Variants in SNX29 observed in about 807,000 individuals in gnomAD.
SNX29 encodes the protein sorting nexin-29.
Under a neutral mutation model 102.1 loss-of-function variants are expected in SNX29, and 78 were observed. The observed-to-expected ratio is 0.76, with a 90% CI of 0.64 to 0.92. The LOEUF (loss-of-function observed/expected upper bound fraction) is 0.92. Among genes scored for constraint, SNX29 ranks in the 40% least tolerant of loss-of-function variants. The probability of loss-of-function intolerance (pLI) is 0.00; values close to 1 mark genes in which losing one functional copy is unlikely to be tolerated. For synonymous variants in SNX29, 580 were observed against 414.5 expected (o/e 1.40, Z -4.85); for missense variants, 1,280 against 1,061.7 (o/e 1.21, Z -2.86).
intron 1 of SNX29, among the ~76,000 whole-genome samples, chr16:11,981,172 G>A (rs371093016): frequency 1.3e-5 from 2 of 152,196 alleles, no homozygotes; most frequent in South Asian, 4.2e-4. Flanking sequence ...GTTTTGCCAT[G>A]TTGACTGGGC....
intron 10 of SNX29, among the ~76,000 whole-genome samples, chr16:12,077,310 A>G (rs2051624978): frequency 6.6e-6 from 1 of 151,650 alleles, no homozygotes; most frequent in Non-Finnish European, 1.5e-5. Flanking sequence ...TGCAACAGTA[A>G]ATGAAAAAAG....
chr16:12,482,690 TTCAAGGAAA>T (rs2151836368), intron 19 of SNX29, among the ~76,000 whole-genome samples: 1 of 152,346 alleles, frequency 6.6e-6, no homozygotes, highest in East Asian at 1.9e-4. Context: ...CTAGACATTA[TTCAAGGAAA>T]TAGCAAGCGT....
intron 8 of SNX29, among the ~76,000 whole-genome samples, chr16:12,060,152 A>AC (rs984796935): frequency 1.6e-4 from 24 of 152,142 alleles, no homozygotes; most frequent in Non-Finnish European, 3.1e-4. Flanking sequence ...ACCAAAAAAA[A>AC]ACCAATAAAA....
Position 12,518,436 on chromosome 16 carries a change from G to C in SNX29, c.2179-6266G>C, listed in dbSNP as rs551760164. ...TTGCATTTGCTGTTCTTTCCACTTG[G>C]CATGCCCTTCCCCCACCCTCAGGGC... is the stretch of plus-strand genomic sequence containing the variant. On this transcript the variant is annotated intron_variant, in intron 19 of 20. Transcript: ENST00000566228. Among the ~76,000 whole-genome samples, 5 of 152,194 alleles carry C rather than the reference G, an allele frequency of 3.3e-5. No individual in the cohort carries two copies. In the South Asian group the frequency reaches 8.3e-4, roughly 25 times the overall value.
In SNX29 at chr16:12,570,326, T is replaced by G. The variant is rs944082313; in HGVS notation, c.*1697T>G. Reference sequence around the variant, plus strand: ...ACCCGAGACATCCTGTAAAGGCAACTTGGTCTCCCTCCCACTCACCTGCCA... The same window carrying G: ...ACCCGAGACATCCTGTAAAGGCAACGTGGTCTCCCTCCCACTCACCTGCCA... On this transcript the variant is annotated 3_prime_UTR_variant, in exon 21 of 21. Transcript: ENST00000566228. 5.6e-6 allele frequency: 5 copies of G among 897,534 alleles called. No individual in the cohort carries two copies. The highest frequency in any genetic ancestry group is 5.2e-5 in the African/African-American group (3 of 57,538). 55.6% of individuals were successfully genotyped at this position (897,534 alleles called of 1,614,324 possible). A position where few individuals can be genotyped will look rare whatever the true frequency, so the allele number is the denominator to read the frequency against.
At chr16:12,467,104 T>C (rs1410627504) in intron 18 of SNX29, among the ~76,000 whole-genome samples, 1 of 152,200 alleles carries the variant, frequency 6.6e-6, no homozygotes, top group Non-Finnish European at 1.5e-5. Context: ...TGGGCTTCAG[T>C]CCTTGTTTCA....
At chr16:12,476,404 A>ACG (rs2087627512) in intron 18 of SNX29, among the ~76,000 whole-genome samples, 1 of 23,728 alleles carries the variant, frequency 4.2e-5, no homozygotes, top group African/African-American at 4.1e-4. Flanking sequence ...ATATATATAT[A>ACG]TATATATACA....
intron 20 of SNX29, among the ~76,000 whole-genome samples, chr16:12,555,506 G>A (rs2078278065): frequency 6.6e-6 from 1 of 151,516 alleles, no homozygotes; most frequent in African/African-American, 2.4e-5. Context: ...GTCACGCAGG[G>A]ATTGACTGGA....
intron 20 of SNX29, among the ~76,000 whole-genome samples, chr16:12,550,286 C>T (rs1376230893): frequency 6.6e-6 from 1 of 152,176 alleles, no homozygotes; most frequent in Non-Finnish European, 1.5e-5. Flanking sequence ...CCTGTAATCC[C>T]AGTACTGTGG....
At chr16:12,232,336 G>C (rs2077793806) in intron 14 of SNX29, among the ~76,000 whole-genome samples, 1 of 152,220 alleles carries the variant, frequency 6.6e-6, no homozygotes. Context: ...TGACCAGCCT[G>C]ACCAACGTGG....
chr16:12,570,982 C>T lies in SNX29; in HGVS notation c.*2353C>T, dbSNP rs113199304. 21 of 232,522 alleles carry T rather than the reference C, an allele frequency of 9.0e-5. No homozygotes were observed. Among genetic ancestry groups the T allele is most frequent in the Non-Finnish European group, 1.6e-4 (19 of 117,562 alleles). 14.4% of individuals were successfully genotyped at this position (232,522 alleles called of 1,614,324 possible). ...CAGCTGCCTGCTCCTGGTACCTCCC[C>T]CATGATCATGCACAGACCGTAGAGT... is the stretch of plus-strand genomic sequence containing the variant. On this transcript the variant is annotated 3_prime_UTR_variant, in exon 21 of 21. Transcript: ENST00000566228.
At chr16:12,475,282 C>G (rs185076871) in intron 18 of SNX29, among the ~76,000 whole-genome samples, 61 of 152,284 alleles carry the variant, frequency 4.0e-4, no homozygotes, top group Admixed American at 3.8e-3. Flanking sequence ...GTTAATGCCA[C>G]CCACCCAGTG....
At chr16:12,355,641 C>A (rs2082108704) in intron 15 of SNX29, among the ~76,000 whole-genome samples, 1 of 151,978 alleles carries the variant, frequency 6.6e-6, no homozygotes, top group Non-Finnish European at 1.5e-5. Context: ...TGACTATAGA[C>A]CATCTGTAGT....
At position 12,572,103 on chromosome 16, in the gene SNX29, G is replaced by C; in HGVS notation, c.*3474G>C. The C allele has an allele frequency of 9.5e-7, 1 of 1,054,380 alleles. No individual in the cohort carries two copies. Among genetic ancestry groups the C allele is most frequent in the Admixed American group, 5.3e-5 (1 of 18,692 alleles). The allele number at this position is 1,054,380 out of a possible 1,614,324, so 65.3% of individuals were successfully genotyped here. On this transcript the variant is annotated 3_prime_UTR_variant, in exon 21 of 21. Transcript: ENST00000566228. ...AGAGGAAGGGGAGGGATGTGGACTG[G>C]GTCTGATCACAGCCCTTGGCCCTGC...
At position 12,034,617 on chromosome 16, in the gene SNX29, A is replaced by G. The variant is rs187787802; in HGVS notation, c.247+7173A>G. ...GTGGCATGGACTTGGGCCAGTGGCT[A>G]TTTACTAAGGGGTATGAATGTGTCT... On this transcript the variant is annotated intron_variant, in intron 4 of 20. Transcript: ENST00000566228. Among the ~76,000 whole-genome samples the G allele has an allele frequency of 7.9e-5, 12 of 152,186 alleles. No homozygotes were observed. In the East Asian group the frequency reaches 2.1e-3, roughly 27 times the overall value.
chr16:12,043,752 T>C (rs573384742), intron 5 of SNX29, among the ~76,000 whole-genome samples: 35 of 151,810 alleles, frequency 2.3e-4, no homozygotes, highest in South Asian at 1.9e-3. Context: ...TTTTTTGTTG[T>C]TGTTTGTTTG....
In SNX29 at chr16:12,393,922, A is replaced by T. The variant is rs116236868; in HGVS notation, c.1900-4524A>T. Among the ~76,000 whole-genome samples the T allele has an allele frequency of 5.4e-3, 823 of 152,340 alleles. 11 individuals are homozygous for T. Among genetic ancestry groups the T allele is most frequent in the African/African-American group, 0.019 (781 of 41,572 alleles). ...CAAGGAAGAAACCAAGGTTTACGGAAGCCAAGTGACTTCTCACATCATCAG... is the reference window on the plus strand; with the variant it reads ...CAAGGAAGAAACCAAGGTTTACGGATGCCAAGTGACTTCTCACATCATCAG... On this transcript the variant is annotated intron_variant, in intron 16 of 20. Transcript: ENST00000566228.
At chr16:12,070,985 C>G (rs896634497) in intron 10 of SNX29, among the ~76,000 whole-genome samples, 1 of 152,018 alleles carries the variant, frequency 6.6e-6, no homozygotes, top group African/African-American at 2.4e-5. Flanking sequence ...TGAGAAGTGT[C>G]TGTTCATATC....
At chr16:12,526,696 C>G (rs1211615020) in intron 20 of SNX29, 2 of 496,218 alleles carry the variant, frequency 4.0e-6, no homozygotes, top group Non-Finnish European at 7.8e-6. Flanking sequence ...CTGGTGAAAA[C>G]TGAGTTAGCC....
Sources: gnomAD v4.1 joint callset for allele counts (sites outside exome capture counted in the v4.1 genomes callset) on GRCh38, gnomAD v4.1.1 for gene constraint, MANE v1.5 for transcripts, NCBI Gene and HGNC (gene_info 2026-07-23, HGNC 2026-07-21) for gene names.